The following PPP4R1 variants were observed in gnomAD, a reference collection of about 807,000 sequenced individuals.
PPP4R1 encodes serine/threonine-protein phosphatase 4 regulatory subunit 1.
PPP4R1 carries 42 observed loss-of-function variants against 111.2 expected under a neutral mutation model. The observed-to-expected ratio is 0.38, with a 90% CI of 0.29 to 0.49. PPP4R1 has a LOEUF of 0.49. PPP4R1 is among the 20% of genes least tolerant of loss of function. The probability of loss-of-function intolerance (pLI) is 0.97; values close to 1 mark genes in which losing one functional copy is unlikely to be tolerated. For synonymous variants in PPP4R1, 409 were observed against 405.5 expected (o/e 1.01, Z -0.10); for missense variants, 1,012 against 1,161.6 (o/e 0.87, Z 1.87).
At chr18:9,599,406 A>G (rs1598953892) in intron 2 of PPP4R1, among the ~76,000 whole-genome samples, 2 of 152,342 alleles carry the variant, frequency 1.3e-5, no homozygotes, top group East Asian at 1.9e-4. Context: ...AATCTAAAAG[A>G]AGGCAGAAAA....
rs914480059 is a variant in PPP4R1 at position 9,547,607 on chromosome 18, T to C, written c.*182A>G. 5 of 611,838 alleles carry C rather than the reference T, an allele frequency of 8.2e-6. No individual in the cohort carries two copies. The highest frequency in any genetic ancestry group is 2.2e-5 in the South Asian group (1 of 45,530). 37.9% of individuals were successfully genotyped at this position (611,838 alleles called of 1,614,324 possible). ...GTCAAGATAAGATAATAGTGTTTAC[T>C]GTACTTTCTCTTGACTCTTGAAATC... On this transcript the variant is annotated 3_prime_UTR_variant, in exon 20 of 20. Transcript: ENST00000400556.
intron 19 of PPP4R1, among the ~76,000 whole-genome samples, chr18:9,548,787 G>A (rs968655323): frequency 4.6e-5 from 7 of 152,058 alleles, no homozygotes; most frequent in Non-Finnish European, 8.8e-5. Flanking sequence ...GCGTGGTGGC[G>A]GGCACCTGTA....
rs902018704 is a variant in PPP4R1 at position 9,595,071 on chromosome 18, C to T, written c.135G>A (p.Leu45=). ...ACTTGTCCAATCTCCCCAGGGGCGT[C>T]AACATTTCATCTTGTGAGACAAAGT... ...ALDFVSQDEM[L]TPLGRLDKYA... The change falls in exon 3 of 20, where the codon TTG becomes TTA. Residue 45 remains leucine (L), a synonymous_variant. Coordinates refer to ENST00000400556, the MANE Select transcript of PPP4R1 (RefSeq NM_001042388.3). 6.2e-7 allele frequency: 1 copy of T among 1,613,982 alleles called. No individual in the cohort carries two copies. The highest frequency in any genetic ancestry group is 8.5e-7 in the Non-Finnish European group (1 of 1,179,936).
chr18:9,602,246 T>C (rs1416726958), intron 2 of PPP4R1, among the ~76,000 whole-genome samples: 1 of 151,600 alleles, frequency 6.6e-6, no homozygotes, highest in Non-Finnish European at 1.5e-5. Flanking sequence ...AGTTTAAAAG[T>C]TGTGGCCAGG....
chr18:9,585,185 C>T (rs1337992192), intron 6 of PPP4R1, among the ~76,000 whole-genome samples: 9 of 152,252 alleles, frequency 5.9e-5, no homozygotes, highest in African/African-American at 1.9e-4. Flanking sequence ...CAAAAACCTA[C>T]ATTTTCCCAA....
intron 10 of PPP4R1, among the ~76,000 whole-genome samples, chr18:9,574,404 G>A (rs544590547): frequency 6.6e-6 from 1 of 152,252 alleles, no homozygotes; most frequent in South Asian, 2.1e-4. Context: ...AAGCAAACAC[G>A]CTCCAGGATA....
At chr18:9,601,707 G>A (rs1164394466) in intron 2 of PPP4R1, among the ~76,000 whole-genome samples, 3 of 152,044 alleles carry the variant, frequency 2.0e-5, no homozygotes, top group Non-Finnish European at 4.4e-5. Flanking sequence ...TGCCCAGGTT[G>A]GTCTTGAACT....
In PPP4R1 at chr18:9,588,129, G is replaced by C; in HGVS notation, c.545C>G (p.Ala182Gly). Residue 182 changes from alanine to glycine, a missense_variant, in exon 6 of 20, where the codon GCC becomes GGC. Coordinates refer to ENST00000400556, the MANE Select transcript of PPP4R1 (RefSeq NM_001042388.3). ...TTTCACATCATCATTGCTATCTGGG[G>C]CTGTCAGCTCTATGAGGACAGGGCA... is the stretch of plus-strand genomic sequence containing the variant. ...KVCPVLIELTAPDSNDDVKTE... is the reference protein window; with the variant it reads ...KVCPVLIELTGPDSNDDVKTE... The C allele has an allele frequency of 6.2e-7, 1 of 1,614,098 alleles. No individual in the cohort carries two copies. Among genetic ancestry groups the C allele is most frequent in the Non-Finnish European group, 8.5e-7 (1 of 1,180,002 alleles).
intron 13 of PPP4R1, 61 bp downstream of exon 13, chr18:9,561,919 T>C: frequency 2.2e-6 from 3 of 1,365,064 alleles, no homozygotes; most frequent in Non-Finnish European, 3.1e-6. Flanking sequence ...AGGTCAGAAA[T>C]GGGCTCTAAA....
chr18:9,568,712 A>T (rs1306280252), intron 11 of PPP4R1, among the ~76,000 whole-genome samples: 1 of 152,212 alleles, frequency 6.6e-6, no homozygotes, highest in African/African-American at 2.4e-5. Flanking sequence ...GACAACTGGT[A>T]ATCTTTTGTT....
intron 10 of PPP4R1, among the ~76,000 whole-genome samples, chr18:9,572,165 A>G (rs764780056): frequency 6.6e-6 from 1 of 152,214 alleles, no homozygotes; most frequent in Non-Finnish European, 1.5e-5. Context: ...GTTGGGTTCT[A>G]GGTGGTGATT....
At chr18:9,612,689 T>G (rs955322046) in intron 2 of PPP4R1, 1 of 152,162 alleles carries the variant, frequency 6.6e-6, no homozygotes, top group South Asian at 2.1e-4. Context: ...ATTTCTCCAA[T>G]CCTAACCTGG....
At chr18:9,600,033 G>A (rs1158263009) in intron 2 of PPP4R1, among the ~76,000 whole-genome samples, 1 of 152,028 alleles carries the variant, frequency 6.6e-6, no homozygotes, top group African/African-American at 2.4e-5. Context: ...AATGCAGACT[G>A]TTATACAACC....
Position 9,547,574 on chromosome 18 carries a change from C to T in PPP4R1, c.*215G>A, listed in dbSNP as rs1236446586. The T allele has an allele frequency of 6.5e-6, 3 of 462,900 alleles. No homozygotes were observed. Among genetic ancestry groups the T allele is most frequent in the Non-Finnish European group, 1.2e-5 (3 of 259,210 alleles). The allele number at this position is 462,900 out of a possible 1,614,324, so 28.7% of individuals were successfully genotyped here. Reference sequence around the variant, plus strand: ...TTATAATCCTCTGAGAAATTATTTCCCCTTAAAGTCAAGATAAGATAATAG... The same window carrying T: ...TTATAATCCTCTGAGAAATTATTTCTCCTTAAAGTCAAGATAAGATAATAG... On this transcript the variant is annotated 3_prime_UTR_variant, in exon 20 of 20. Transcript: ENST00000400556.
At chr18:9,593,579 C>A (rs2067245545) in intron 4 of PPP4R1, among the ~76,000 whole-genome samples, 189 bp downstream of exon 4, 1 of 152,016 alleles carries the variant, frequency 6.6e-6, no homozygotes, top group Non-Finnish European at 1.5e-5. Flanking sequence ...ACTAAATGAG[C>A]CCACTGTAAA....
chr18:9,565,684 A>G (rs2066753514), intron 11 of PPP4R1, among the ~76,000 whole-genome samples: 1 of 152,270 alleles, frequency 6.6e-6, no homozygotes, highest in Non-Finnish European at 1.5e-5. Context: ...TCTAACTCAG[A>G]GCAAGGCCCT....
At chr18:9,571,752 C>T (rs967804864) in intron 10 of PPP4R1, among the ~76,000 whole-genome samples, 1 of 152,062 alleles carries the variant, frequency 6.6e-6, no homozygotes, top group South Asian at 2.1e-4. Flanking sequence ...AAAGGTGTGA[C>T]GCATTCAGGA....
chr18:9,602,726 C>T (rs977912955), intron 2 of PPP4R1, among the ~76,000 whole-genome samples: 15 of 150,530 alleles, frequency 1.0e-4, no homozygotes, highest in Admixed American at 9.4e-4. Flanking sequence ...TGGGCTAAAA[C>T]AGGAGAATCG....
intron 2 of PPP4R1, among the ~76,000 whole-genome samples, chr18:9,610,193 AT>A (rs1298569912): frequency 6.6e-6 from 1 of 152,246 alleles, no homozygotes; most frequent in Non-Finnish European, 1.5e-5. Flanking sequence ...TTAAATGTGA[AT>A]CAAAATTGCA....
Sources: allele counts gnomAD v4.1 joint callset (sites outside exome capture counted in the v4.1 genomes callset), GRCh38; gene constraint gnomAD v4.1.1; transcripts MANE v1.5; gene names NCBI Gene and HGNC (gene_info 2026-07-23, HGNC 2026-07-21).